The following NFIC variants were observed in gnomAD, a reference collection of about 807,000 sequenced individuals.
NFIC encodes the protein nuclear factor I C, also known as nuclear factor 1 C-type.
Under a neutral mutation model 54.4 loss-of-function variants are expected in NFIC, and 12 were observed. The observed-to-expected ratio is 0.22, with a 90% CI of 0.14 to 0.36. NFIC has a LOEUF of 0.36. NFIC is among the 10% of genes least tolerant of loss of function. The pLI, the probability that NFIC is intolerant of heterozygous loss-of-function variation, is 1.00. For synonymous variants in NFIC, 322 were observed against 319.2 expected, an observed-to-expected ratio of 1.01 and a Z score of -0.09; for missense variants, 575 against 718.2, an observed-to-expected ratio of 0.80 and a Z score of 2.28.
At chr19:3,431,824 T>TA (rs1464870843) in intron 3 of NFIC, among the ~76,000 whole-genome samples, 1 of 152,228 alleles carries the variant, frequency 6.6e-6, no homozygotes, top group African/African-American at 2.4e-5. Context: ...GGCTGAGTCC[T>TA]ATTCCAGTGT....
intron 1 of NFIC, chr19:3,371,667 T>C (rs1279925901): frequency 6.6e-6 from 1 of 152,198 alleles, no homozygotes; most frequent in East Asian, 1.9e-4. Context: ...TAAGTGCTGC[T>C]GTGCTTATGG....
intron 2 of NFIC, among the ~76,000 whole-genome samples, chr19:3,409,377 GC>G (rs1473386202): frequency 6.6e-6 from 1 of 152,054 alleles, no homozygotes; most frequent in Non-Finnish European, 1.5e-5. Flanking sequence ...CTCCAACGCC[GC>G]CCCCAAAGCC....
chr19:3,409,223 C>T (rs914871498), intron 2 of NFIC, among the ~76,000 whole-genome samples: 12 of 152,282 alleles, frequency 7.9e-5, no homozygotes, highest in African/African-American at 2.9e-4. Context: ...TTCACACATC[C>T]AACTTCATTC....
At chr19:3,403,340 G>A (rs2081586998) in intron 2 of NFIC, among the ~76,000 whole-genome samples, 3 of 152,190 alleles carry the variant, frequency 2.0e-5, no homozygotes, top group South Asian at 4.1e-4. Context: ...GTCCAACTGC[G>A]TGGCCGTGAG....
Position 3,453,712 on chromosome 19 carries a change from G to A in NFIC, c.1270-51G>A, listed in dbSNP as rs936120873. 1.1e-5 allele frequency: 17 copies of A among 1,551,410 alleles called. No individual in the cohort carries two copies. Among genetic ancestry groups the A allele is most frequent in the South Asian group, 7.2e-5 (6 of 82,834 alleles). On this transcript the variant is annotated intron_variant, in intron 8 of 10. Transcript: ENST00000443272. The surrounding 1 kb of genome is among the most constrained non-coding windows in gnomAD (Gnocchi z 6.7). ...CGGGGGCGGCCGGCGCCAGCAGCCC[G>A]AGGTAGAGGGGGAGCCCACCCCTTA...
At position 3,464,261 on chromosome 19, in the gene NFIC, G is replaced by C. The variant is rs990928736; in HGVS notation, c.*1492G>C. 3 of 985,246 alleles carry C rather than the reference G, an allele frequency of 3.0e-6. No homozygotes were observed. The highest frequency in any genetic ancestry group is 9.4e-5 in the South Asian group (2 of 21,292). 61.0% of individuals were successfully genotyped at this position (985,246 alleles called of 1,614,324 possible). ...AGGCCGACGCCAGCGGTCCCCGCTC[G>C]GAACGGGGAGGGTTTTCGGGGGGTT... is the stretch of plus-strand genomic sequence containing the variant. On this transcript the variant is annotated 3_prime_UTR_variant, in exon 11 of 11. Coordinates refer to ENST00000443272, the MANE Select transcript of NFIC (RefSeq NM_001245002.2).
At chr19:3,416,278 CTA>C (rs533704640) in intron 2 of NFIC, among the ~76,000 whole-genome samples, 1 of 148,110 alleles carries the variant, frequency 6.8e-6, no homozygotes, top group African/African-American at 2.5e-5. Context: ...TTTTATATAC[CTA>C]TATATATTAA....
intron 2 of NFIC, among the ~76,000 whole-genome samples, chr19:3,406,708 A>T (rs2081655081): frequency 6.6e-6 from 1 of 151,830 alleles, no homozygotes; most frequent in Admixed American, 6.6e-5. Flanking sequence ...GTTGCAACGT[A>T]ACTGGACACA....
At chr19:3,410,044 C>CT (rs34960163) in intron 2 of NFIC, among the ~76,000 whole-genome samples, 1 of 150,004 alleles carries the variant, frequency 6.7e-6, no homozygotes, top group Non-Finnish European at 1.5e-5. Context: ...TGCGTCTCTA[C>CT]TTTTTTTTTT....
At chr19:3,388,208 T>C (rs1599593656) in intron 2 of NFIC, among the ~76,000 whole-genome samples, 2 of 152,000 alleles carry the variant, frequency 1.3e-5, no homozygotes, top group South Asian at 4.1e-4. Context: ...CTGCCCCGGG[T>C]GCCCTGGAGA....
intron 2 of NFIC, among the ~76,000 whole-genome samples, chr19:3,403,567 G>C (rs1391981779): frequency 1.3e-5 from 2 of 152,194 alleles, no homozygotes; most frequent in Non-Finnish European, 2.9e-5. Flanking sequence ...AGGGCGTTTG[G>C]TATTTTGTTT....
At chr19:3,435,371 A>C (rs1282004151) in intron 6 of NFIC, among the ~76,000 whole-genome samples, 164 bp downstream of exon 6, 3 of 152,228 alleles carry the variant, frequency 2.0e-5, no homozygotes, top group African/African-American at 7.2e-5. Flanking sequence ...CTTGGCTGGA[A>C]GTACGGTCCG....
intron 2 of NFIC, among the ~76,000 whole-genome samples, chr19:3,416,178 AT>A (rs1323209842): frequency 6.6e-6 from 1 of 150,864 alleles, no homozygotes; most frequent in African/African-American, 2.4e-5. Context: ...AAAAAAAAAA[AT>A]CAAGACCATG....
chr19:3,401,094 C>T (rs781686636), intron 2 of NFIC, among the ~76,000 whole-genome samples: 98 of 152,200 alleles, frequency 6.4e-4, no homozygotes, highest in Non-Finnish European at 1.1e-3. Flanking sequence ...CAGGACACAC[C>T]TGGCACTTTG....
At chr19:3,377,494 C>G (rs965230535) in intron 1 of NFIC, among the ~76,000 whole-genome samples, 1 of 152,124 alleles carries the variant, frequency 6.6e-6, no homozygotes, top group Non-Finnish European at 1.5e-5. Context: ...CCAGCCCAGC[C>G]TGGTCAAGGC....
intron 2 of NFIC, chr19:3,411,177 A>T (rs2081752215): frequency 6.6e-6 from 1 of 151,944 alleles, no homozygotes; most frequent in Admixed American, 6.6e-5. Flanking sequence ...CACCACAGCC[A>T]GGTAACTTTT....
intron 1 of NFIC, among the ~76,000 whole-genome samples, chr19:3,378,094 A>G (rs1003176505): frequency 1.3e-5 from 2 of 151,818 alleles, no homozygotes; most frequent in African/African-American, 4.8e-5. Context: ...AAAATACAAA[A>G]ATTAGCTGGG....
At chr19:3,372,638 T>C (rs1251631219) in intron 1 of NFIC, among the ~76,000 whole-genome samples, 2 of 145,998 alleles carry the variant, frequency 1.4e-5, no homozygotes, top group Non-Finnish European at 3.0e-5. Context: ...ACTCGGAGAG[T>C]GTGCACGGTG....
chr19:3,406,595 C>T (rs567537740), intron 2 of NFIC, among the ~76,000 whole-genome samples: 3 of 152,270 alleles, frequency 2.0e-5, no homozygotes, highest in East Asian at 1.9e-4. Context: ...AGTAGGCGCT[C>T]AAGACGTGTG....
Sources: allele counts gnomAD v4.1 joint callset (sites outside exome capture counted in the v4.1 genomes callset), GRCh38; gene constraint gnomAD v4.1.1; non-coding constraint Gnocchi (gnomAD v3.1); transcripts MANE v1.5; gene names NCBI Gene and HGNC (gene_info 2026-07-23, HGNC 2026-07-21).